DIAPH2: variants seen among roughly 807,000 people sequenced by gnomAD.
DIAPH2 encodes the protein diaphanous related formin 2.
Under a neutral mutation model 92.7 loss-of-function variants are expected in DIAPH2, and 35 were observed. The ratio of observed to expected loss-of-function variants is 0.38; its 90% CI spans 0.29 to 0.50. The LOEUF (loss-of-function observed/expected upper bound fraction) is 0.50. Among genes scored for constraint, DIAPH2 ranks in the 20% least tolerant of loss-of-function variants. The probability of loss-of-function intolerance (pLI) is 0.94; values close to 1 mark genes in which losing one functional copy is unlikely to be tolerated. For synonymous variants in DIAPH2, 301 were observed against 280.4 expected, an observed-to-expected ratio of 1.07 and a Z score of -0.73; for missense variants, 701 against 819.5, an observed-to-expected ratio of 0.86 and a Z score of 1.77.
At chrX:96,837,963 A>G (rs904710648) in intron 4 of DIAPH2, among the ~76,000 whole-genome samples, 1 of 111,564 alleles carries the variant, frequency 9.0e-6, no homozygotes, top group African/African-American at 3.3e-5. Context: ...AGATATTTTA[A>G]TCTCAGTTTT....
At chrX:97,347,964 AT>A (rs1246996148) in intron 23 of DIAPH2, 151 bp from the exon 24 acceptor site, 1 of 530,083 alleles carries the variant, frequency 1.9e-6, no homozygotes, top group Non-Finnish European at 3.0e-6. Context: ...AATCTGTGGT[AT>A]TTTACCATGG....
intron 1 of DIAPH2, among the ~76,000 whole-genome samples, chrX:96,731,320 G>C (rs907066010): frequency 9.0e-6 from 1 of 111,335 alleles, no homozygotes; most frequent in Non-Finnish European, 1.9e-5. Flanking sequence ...GCCATTCTTG[G>C]AACGCAAGAA....
chrX:96,726,584 C>T lies in DIAPH2; in HGVS notation c.133-9174C>T, dbSNP rs759645076. Among the ~76,000 whole-genome samples, 18 of 111,334 alleles carry T rather than the reference C, an allele frequency of 1.6e-4. No individual in the cohort carries two copies. In the East Asian group the frequency reaches 2.8e-3, roughly 17 times the overall value. Reference sequence around the variant, plus strand: ...CAGAGCAAAGAGCACCTGGAAAGGCCGAGACTGAAAAAGAGCTGGAGCTCT... The same window carrying T: ...CAGAGCAAAGAGCACCTGGAAAGGCTGAGACTGAAAAAGAGCTGGAGCTCT... On this transcript the variant is annotated intron_variant, in intron 1 of 26. Transcript: ENST00000324765.
chrX:96,770,704 A>G (rs759456606), intron 4 of DIAPH2, among the ~76,000 whole-genome samples: 1 of 112,132 alleles, frequency 8.9e-6, no homozygotes, highest in East Asian at 2.8e-4. Context: ...CAGAATAAAA[A>G]TAATGCCATT....
rs1379892411 is a variant in DIAPH2 at position 96,850,560 on chromosome X, T to C, written c.448-31019T>C. Among the ~76,000 whole-genome samples, 4 of 112,059 alleles carry C rather than the reference T, an allele frequency of 3.6e-5. No individual in the cohort carries two copies. The Admixed American group carries it at 3.8e-4, about 11-fold the overall frequency. ...ATTATGTGATACTGCTTCATAGCCA[T>C]TGTGTGAGACTTTAAGAGATGCTGC... On this transcript the variant is annotated intron_variant, in intron 4 of 26. Transcript: ENST00000324765.
chrX:97,194,284 ATTT>A (rs747413352), intron 22 of DIAPH2, among the ~76,000 whole-genome samples: 1 of 100,937 alleles, frequency 9.9e-6, no homozygotes, highest in Non-Finnish European at 2.0e-5. Context: ...TATCCTAGAA[ATTT>A]TTTTTTTTTT....
intron 26 of DIAPH2, chrX:97,469,856 T>C: frequency 9.0e-7 from 1 of 1,108,128 alleles, no homozygotes; most frequent in Non-Finnish European, 1.2e-6. Flanking sequence ...TGTCTGGTGC[T>C]CTTTTCTTTC....
rs187982691 is a variant in DIAPH2, at chrX:97,357,041, G to A, written c.3009+8761G>A. ...TAATAAGAACTAGAATCAGGAAACA[G>A]AATGTAATATCTTTAGTTCCAGCAA... On this transcript the variant is annotated intron_variant, in intron 24 of 26. Coordinates refer to ENST00000324765, the MANE Select transcript of DIAPH2 (RefSeq NM_006729.5). 5.6e-3 allele frequency among the ~76,000 whole-genome samples: 631 copies of A among 111,785 alleles called. 2 individuals carry two copies. Among genetic ancestry groups the A allele is most frequent in the African/African-American group, 0.019 (596 of 30,819 alleles).
intron 17 of DIAPH2, among the ~76,000 whole-genome samples, chrX:96,966,180 C>T (rs2147826355): frequency 9.0e-6 from 1 of 111,428 alleles, no homozygotes; most frequent in African/African-American, 3.3e-5. Context: ...TATGCACACA[C>T]AAATCTGGGG....
intron 4 of DIAPH2, among the ~76,000 whole-genome samples, chrX:96,837,264 G>C (rs1354398015): frequency 9.0e-6 from 1 of 110,988 alleles, no homozygotes; most frequent in Admixed American, 9.6e-5. Flanking sequence ...GTAATGACCA[G>C]TTCCCAAAGG....
At chrX:96,954,370 A>C (rs1238793473) in intron 15 of DIAPH2, among the ~76,000 whole-genome samples, 2 of 112,523 alleles carry the variant, frequency 1.8e-5, no homozygotes, top group Admixed American at 9.4e-5. Flanking sequence ...GTACTGGTTT[A>C]AGGAAATGGA....
Position 97,343,696 on chromosome X carries a change from C to CA in DIAPH2, c.2845-4408dup, listed in dbSNP as rs150594888. ...AAAAACAAAACAAAAGAAAGCAAAG[C>CA]AAAAAAAAAAAAGAAAGAAAGAAAT... is the stretch of plus-strand genomic sequence containing the variant. On this transcript the variant is annotated intron_variant, in intron 23 of 26. Coordinates refer to ENST00000324765, the MANE Select transcript of DIAPH2 (RefSeq NM_006729.5). 5.9e-3 allele frequency among the ~76,000 whole-genome samples: 547 copies of CA among 91,951 alleles called. 4 individuals carry two copies. The highest frequency in any genetic ancestry group is 0.023 in the African/African-American group (517 of 22,937). The allele number at this position is 91,951 out of a possible 115,157, so 79.8% of individuals were successfully genotyped here.
chrX:97,474,034 C>T (rs2070584996), intron 26 of DIAPH2, among the ~76,000 whole-genome samples: 1 of 112,436 alleles, frequency 8.9e-6, no homozygotes, highest in African/African-American at 3.2e-5. Context: ...AAGTTTTTTG[C>T]AACATTGCCA....
Position 97,172,213 on chromosome X carries a change from A to T in DIAPH2, c.2719+30419A>T, listed in dbSNP as rs185194868. 3.1e-3 allele frequency among the ~76,000 whole-genome samples: 346 copies of T among 112,343 alleles called. 3 individuals are homozygous for T. Among genetic ancestry groups the T allele is most frequent in the African/African-American group, 0.011 (330 of 31,033 alleles). On this transcript the variant is annotated intron_variant, in intron 22 of 26. Transcript: ENST00000324765. Reference sequence around the variant, plus strand: ...TCAACTTAGAATTCTATTTTCTGCAATAGGAATATGACAAACATTTTCTCT... The same window carrying T: ...TCAACTTAGAATTCTATTTTCTGCATTAGGAATATGACAAACATTTTCTCT...
At chrX:96,770,474 A>AG (rs2064331760) in intron 4 of DIAPH2, among the ~76,000 whole-genome samples, 1 of 111,800 alleles carries the variant, frequency 8.9e-6, no homozygotes, top group African/African-American at 3.2e-5. Context: ...ATTAAATCTT[A>AG]TTTTTCCTTT....
At position 96,833,920 on chromosome X, in the gene DIAPH2, A is replaced by G. The variant is rs762655068; in HGVS notation, c.448-47659A>G. On this transcript the variant is annotated intron_variant, in intron 4 of 26. Coordinates refer to ENST00000324765, the MANE Select transcript of DIAPH2 (RefSeq NM_006729.5). Reference sequence around the variant, plus strand: ...GTGATCTGCCCACCTCGCTCTCCCAAAGTGCTGGGATTACAGGTGTGAGCC... The same window carrying G: ...GTGATCTGCCCACCTCGCTCTCCCAGAGTGCTGGGATTACAGGTGTGAGCC... 3.6e-5 allele frequency among the ~76,000 whole-genome samples: 4 copies of G among 111,172 alleles called. No homozygotes were observed. In the South Asian group the frequency reaches 1.2e-3, roughly 32 times the overall value.
intron 4 of DIAPH2, among the ~76,000 whole-genome samples, chrX:96,799,960 A>G (rs1292543342): frequency 9.0e-6 from 1 of 111,179 alleles, no homozygotes; most frequent in Admixed American, 9.6e-5. Flanking sequence ...TTTCTACAAA[A>G]TAATTCTTAT....
intron 26 of DIAPH2, among the ~76,000 whole-genome samples, chrX:97,592,609 C>T (rs1038205000): frequency 2.7e-5 from 3 of 111,914 alleles, no homozygotes; most frequent in African/African-American, 6.5e-5. Context: ...AACATCATAC[C>T]GTGAACAATA....
chrX:97,332,206 T>C (rs1485839819), intron 23 of DIAPH2, among the ~76,000 whole-genome samples: 1 of 112,029 alleles, frequency 8.9e-6, no homozygotes, highest in Non-Finnish European at 1.9e-5. Flanking sequence ...ACCTGAATAC[T>C]TATAGAATCT....
Sources: gnomAD v4.1 joint callset for allele counts (sites outside exome capture counted in the v4.1 genomes callset) on GRCh38, gnomAD v4.1.1 for gene constraint, MANE v1.5 for transcripts, NCBI Gene and HGNC (gene_info 2026-07-23, HGNC 2026-07-21) for gene names.